PDE4DIP: variants seen among roughly 807,000 people sequenced by gnomAD.
PDE4DIP encodes myomegalin.
PDE4DIP carries 59 observed loss-of-function variants against 221.4 expected under a neutral mutation model. That is an observed-to-expected ratio of 0.27 (90% CI 0.22 to 0.33). PDE4DIP has a LOEUF of 0.33. PDE4DIP is among the 10% of genes least tolerant of loss of function. The probability of loss-of-function intolerance (pLI) is 1.00; values close to 1 mark genes in which losing one functional copy is unlikely to be tolerated. For synonymous variants in PDE4DIP, 404 were observed against 815.9 expected (o/e 0.50, Z 8.60); for missense variants, 1,036 against 2,154.2 (o/e 0.48, Z 10.28).
chr1:149,000,405 G>A (rs1553573671), intron 23 of PDE4DIP, among the ~76,000 whole-genome samples: 1 of 151,892 alleles, frequency 6.6e-6, no homozygotes, highest in Non-Finnish European at 1.5e-5. Context: ...AAATACAAAA[G>A]TTAGCTGGGC....
At chr1:148,844,615 G>A (rs1259846890) in intron 1 of PDE4DIP, 1,155 of 68,462 alleles carry the variant, frequency 0.017, 4 homozygotes, top group Non-Finnish European at 0.031. Flanking sequence ...AAAAAAGCAG[G>A]GAGCAGAGCT....
chr1:148,985,024 G>A, intron 21 of PDE4DIP: 3 of 152,198 alleles, frequency 2.0e-5, no homozygotes, highest in Admixed American at 2.0e-4. Context: ...GTGAAGTTAG[G>A]AAGAAATATT....
chr1:148,985,504 G>A (rs2061757055), intron 21 of PDE4DIP: 2 of 152,114 alleles, frequency 1.3e-5, no homozygotes, highest in Admixed American at 1.3e-4. Flanking sequence ...AGTATTAACA[G>A]AAGGTAAGTC....
chr1:148,968,109 T>C (rs587610394), intron 13 of PDE4DIP, among the ~76,000 whole-genome samples: 6 of 147,468 alleles, frequency 4.1e-5, no homozygotes, highest in Admixed American at 2.7e-4. Context: ...AAAGAACTTA[T>C]GTGAGAATTA....
At chr1:148,859,489 T>C (rs1683058461) in intron 1 of PDE4DIP, among the ~76,000 whole-genome samples, 1 of 151,984 alleles carries the variant, frequency 6.6e-6, no homozygotes, top group South Asian at 2.1e-4. Flanking sequence ...GGAATTGGTA[T>C]TGTCATTAGC....
At chr1:148,844,309 G>A (rs3856012) in intron 1 of PDE4DIP, 119 bp from the exon 1 acceptor site, 42,521 of 628,576 alleles carry the variant, frequency 0.068, 4,050 homozygotes, top group East Asian at 0.5. Flanking sequence ...GGGGAGACGC[G>A]AGGGTGGTTC....
intron 1 of PDE4DIP, among the ~76,000 whole-genome samples, chr1:148,926,786 CT>C (rs767231432): frequency 0.014 from 2,119 of 151,096 alleles, 42 homozygotes; most frequent in Middle Eastern, 0.031. Context: ...ATTTGAATTC[CT>C]TTAAGTATTG....
chr1:148,950,044 C>CT (rs2052755497), intron 5 of PDE4DIP, among the ~76,000 whole-genome samples: 1 of 151,994 alleles, frequency 6.6e-6, no homozygotes, highest in South Asian at 2.1e-4. Context: ...AATTTGGAGA[C>CT]TATCAGTTAG....
chr1:149,010,398 C>G, intron 30 of PDE4DIP, 45 bp from the exon 34 acceptor site: 3 of 1,590,886 alleles, frequency 1.9e-6, no homozygotes, highest in African/African-American at 1.3e-5. Flanking sequence ...GATTCCAGTT[C>G]TCTGTAGAAC....
chr1:148,954,145 C>A (rs1553499057), intron 5 of PDE4DIP, among the ~76,000 whole-genome samples: 1 of 152,088 alleles, frequency 6.6e-6, no homozygotes, highest in African/African-American at 2.4e-5. Context: ...AAATTGTATA[C>A]CTTTTAAAAC....
chr1:148,902,742 A>ATATC (rs1491055147), intron 1 of PDE4DIP, among the ~76,000 whole-genome samples: 10 of 94,186 alleles, frequency 1.1e-4, no homozygotes, highest in Non-Finnish European at 1.5e-4. Context: ...ATATATATAT[A>ATATC]TCCATCATAT....
At chr1:148,930,780 G>T (rs7519083) in intron 2 of PDE4DIP, 1 of 146,862 alleles carries the variant, frequency 6.8e-6, no homozygotes, top group Admixed American at 6.7e-5. Flanking sequence ...TATTGCCGAA[G>T]GTAATCTACA....
At chr1:149,006,333 A>G (rs1304904606) in intron 27 of PDE4DIP, 3 of 152,178 alleles carry the variant, frequency 2.0e-5, no homozygotes, top group African/African-American at 7.2e-5. Context: ...ACACTTTATT[A>G]TGCTTCATGG....
Position 149,030,011 on chromosome 1 carries a change from G to A in PDE4DIP, c.6952+86G>A, listed in dbSNP as rs1427855560. On this transcript the variant is annotated intron_variant, in intron 42 of 43. Coordinates refer to ENST00000369354, the Ensembl canonical transcript of PDE4DIP. ...GCTGCAGATGAGCAGTGACCAGGGG[G>A]GCTTGGGGATGTTGGGAGTTGAGAC... 1.9e-4 allele frequency: 113 copies of A among 602,934 alleles called. No homozygotes were observed. The African/African-American group carries it at 2.2e-3, about 12-fold the overall frequency. 37.3% of individuals were successfully genotyped at this position (602,934 alleles called of 1,614,324 possible). A position where few individuals can be genotyped will look rare whatever the true frequency, so the allele number is the denominator to read the frequency against.
intron 5 of PDE4DIP, among the ~76,000 whole-genome samples, chr1:148,950,431 A>G (rs1553486531): frequency 1.3e-5 from 2 of 152,288 alleles, no homozygotes; most frequent in Non-Finnish European, 2.9e-5. Flanking sequence ...TAGTAGATGA[A>G]ATTACATATG....
At chr1:148,998,054 G>A (rs1192018212) in intron 22 of PDE4DIP, 89 bp from the exon 26 acceptor site, 4 of 744,518 alleles carry the variant, frequency 5.4e-6, no homozygotes, top group Non-Finnish European at 9.0e-6. Flanking sequence ...GTTTGTTTTT[G>A]TTCTCATTTA....
At chr1:149,010,042 A>G (rs1320700464) in intron 30 of PDE4DIP, among the ~76,000 whole-genome samples, 122 of 152,332 alleles carry the variant, frequency 8.0e-4, no homozygotes, top group South Asian at 2.7e-3. Flanking sequence ...GAGAGTGAGA[A>G]GATCACGGCA....
At chr1:148,955,779 A>G (rs1420334262) in intron 5 of PDE4DIP, among the ~76,000 whole-genome samples, 1 of 152,124 alleles carries the variant, frequency 6.6e-6, no homozygotes, top group African/African-American at 2.4e-5. Context: ...CCTTTACTTC[A>G]CTAAATTTGG....
At chr1:148,976,853 G>C (rs1407533392) in intron 17 of PDE4DIP, among the ~76,000 whole-genome samples, 9 of 152,108 alleles carry the variant, frequency 5.9e-5, no homozygotes, top group Non-Finnish European at 1.3e-4. Context: ...TAAAGGCCGA[G>C]TCAAGAGAAA....
Sources: gnomAD v4.1 joint callset for allele counts (sites outside exome capture counted in the v4.1 genomes callset) on GRCh38, gnomAD v4.1.1 for gene constraint, MANE v1.5 for transcripts, NCBI Gene and HGNC (gene_info 2026-07-23, HGNC 2026-07-21) for gene names.